SLC9A8: variants seen among roughly 807,000 people sequenced by gnomAD.
SLC9A8 encodes the protein sodium/hydrogen exchanger 8.
In SLC9A8, 48 loss-of-function variants were observed where a neutral mutation model predicts 66.6. The observed-to-expected ratio is 0.72, with a 90% CI of 0.57 to 0.92. SLC9A8 has a LOEUF of 0.92. Ranked by LOEUF, SLC9A8 falls within the 40% of genes least tolerant of loss-of-function variation. The pLI is 0.00. For synonymous variants in SLC9A8, 274 were observed against 282.6 expected (o/e 0.97, Z 0.31); for missense variants, 599 against 747.3 (o/e 0.80, Z 2.31).
At chr20:49,884,274 G>C (rs1158643798) in intron 14 of SLC9A8, 63 of 120,470 alleles carry the variant, frequency 5.2e-4, no homozygotes, top group Admixed American at 7.8e-4. Flanking sequence ...ACACACACAC[G>C]ACACACACAC....
At chr20:49,869,636 AT>A (rs2089126234) in intron 10 of SLC9A8, among the ~76,000 whole-genome samples, 1 of 151,894 alleles carries the variant, frequency 6.6e-6, no homozygotes, top group South Asian at 2.1e-4. Flanking sequence ...GATCAAAACC[AT>A]TCTGGCTAAT....
At position 49,874,823 on chromosome 20, in the gene SLC9A8, T is replaced by G; in HGVS notation, c.1075+2T>G. 1.3e-6 allele frequency: 2 copies of G among 1,591,480 alleles called. No homozygotes were observed. The highest frequency in any genetic ancestry group is 8.6e-7 in the Non-Finnish European group (1 of 1,159,292). The stretch of plus-strand genomic sequence containing the variant: ...TCCGCACCGTGGCCTTCTTATGTGG[T>G]GAGTTCTGCTTCTGTGTGGCCGTGA... On this transcript the variant is annotated splice_donor_variant, in intron 11 of 15. Coordinates refer to ENST00000361573, the MANE Select transcript of SLC9A8 (RefSeq NM_015266.3). LOFTEE classifies it high-confidence loss of function.
Position 49,886,687 on chromosome 20 carries a change from T to C in SLC9A8, c.1492-65T>C. 6.4e-7 allele frequency: 1 copy of C among 1,568,138 alleles called. No homozygotes were observed. The highest frequency in any genetic ancestry group is 8.7e-7 in the Non-Finnish European group (1 of 1,152,004). On this transcript the variant is annotated intron_variant, in intron 14 of 15. Coordinates refer to ENST00000361573, the MANE Select transcript of SLC9A8 (RefSeq NM_015266.3). This position sits in a 1 kb window ranked among gnomAD's most constrained non-coding sequence, Gnocchi z 4.8. ...CTGGCGGCCTGGGTGGTGTGGGGGCTTCCAGGAGGTGCCCCCCGATGGTGC... is the reference window on the plus strand; with the variant it reads ...CTGGCGGCCTGGGTGGTGTGGGGGCCTCCAGGAGGTGCCCCCCGATGGTGC...
rs1417832700 is a variant in SLC9A8, at chr20:49,834,413, ATATACTG to A, written c.290-5123_290-5117del. On this transcript the variant is annotated intron_variant, in intron 3 of 15. Transcript: ENST00000361573. ...GTATATATATATACTGTGTATATAT[ATATACTG>A]TATATATATACTGTATATATATATA... Among the ~76,000 whole-genome samples the A allele has an allele frequency of 1.6e-4, 7 of 44,602 alleles. 2 individuals carry two copies. Among genetic ancestry groups the A allele is most frequent in the South Asian group, 9.5e-4 (2 of 2,112 alleles). The allele number at this position is 44,602 out of a possible 152,430, so 29.3% of individuals were successfully genotyped here.
At chr20:49,814,325 TG>T (rs1178518371) in intron 1 of SLC9A8, among the ~76,000 whole-genome samples, 9 of 152,160 alleles carry the variant, frequency 5.9e-5, no homozygotes, top group African/African-American at 1.9e-4. Flanking sequence ...ACCTATTAAA[TG>T]AGAGGTAGTG....
At chr20:49,858,275 A>G (rs1311055192) in intron 8 of SLC9A8, among the ~76,000 whole-genome samples, 2 of 151,818 alleles carry the variant, frequency 1.3e-5, no homozygotes, top group Non-Finnish European at 2.9e-5. Flanking sequence ...CTTTATTAGG[A>G]TATTATCCAA....
chr20:49,862,117 T>C (rs645182), intron 8 of SLC9A8, among the ~76,000 whole-genome samples: 136,472 of 149,318 alleles, frequency 0.91, 62,474 homozygotes, highest in African/African-American at 0.95. Flanking sequence ...GCACTAATCT[T>C]GGTACTTGAA....
intron 10 of SLC9A8, among the ~76,000 whole-genome samples, chr20:49,871,449 C>G (rs1244426803): frequency 2.6e-5 from 4 of 152,180 alleles, no homozygotes; most frequent in African/African-American, 9.7e-5. Context: ...AACGATTTTG[C>G]CTAATTCTTA....
rs191074675 is a variant in SLC9A8, at chr20:49,816,742, T to A, written c.208+1553T>A. 3.9e-3 allele frequency among the ~76,000 whole-genome samples: 589 copies of A among 152,120 alleles called. 6 individuals are homozygous for A. Among genetic ancestry groups the A allele is most frequent in the African/African-American group, 0.014 (567 of 41,530 alleles). On this transcript the variant is annotated intron_variant, in intron 2 of 15. Transcript: ENST00000361573. ...GACCCAAGTTCAAATTCTTTTTTTTTTCTTGAGATGGAGTCTTGCTCTGTC... is the reference window on the plus strand; with the variant it reads ...GACCCAAGTTCAAATTCTTTTTTTTATCTTGAGATGGAGTCTTGCTCTGTC...
At chr20:49,877,126 G>GAAA (rs113268405) in intron 11 of SLC9A8, among the ~76,000 whole-genome samples, 3 of 112,188 alleles carry the variant, frequency 2.7e-5, no homozygotes, top group African/African-American at 9.4e-5. Flanking sequence ...TGTCTCTACT[G>GAAA]AAAAAAAAAA....
chr20:49,814,081 G>A (rs2086459780), intron 1 of SLC9A8, among the ~76,000 whole-genome samples: 2 of 152,310 alleles, frequency 1.3e-5, no homozygotes, highest in South Asian at 4.1e-4. Flanking sequence ...TCTTGGCCAT[G>A]TGGGGGTCAT....
In SLC9A8 at chr20:49,880,905, A is replaced by C; in HGVS notation, c.1159-19A>C. On this transcript the variant is annotated intron_variant, in intron 12 of 15. Transcript: ENST00000361573. ...AGCCAGATGTTTTCACCTAAGACTT[A>C]GTTTGTTGCTATCAACAGGTGCTTG... 6.5e-7 allele frequency: 1 copy of C among 1,529,518 alleles called. No individual in the cohort carries two copies. The highest frequency in any genetic ancestry group is 9.1e-7 in the Non-Finnish European group (1 of 1,103,146). The allele number at this position is 1,529,518 out of a possible 1,614,324, so 94.7% of individuals were successfully genotyped here.
chr20:49,881,937 G>A (rs997927293), intron 13 of SLC9A8, among the ~76,000 whole-genome samples: 7 of 152,090 alleles, frequency 4.6e-5, no homozygotes, highest in African/African-American at 7.2e-5. Context: ...ATAAGAGAGC[G>A]TTATGGGGAA....
intron 4 of SLC9A8, among the ~76,000 whole-genome samples, chr20:49,844,066 T>C (rs1427020251): frequency 6.6e-6 from 1 of 152,180 alleles, no homozygotes; most frequent in Non-Finnish European, 1.5e-5. Context: ...TCTTGAACTT[T>C]TCCGGACAGC....
intron 7 of SLC9A8, 45 bp from the exon 8 acceptor site, chr20:49,855,393 A>G (rs200536285): frequency 6.3e-7 from 1 of 1,594,796 alleles, no homozygotes; most frequent in Non-Finnish European, 8.6e-7. Context: ...ATGTGGACCA[A>G]GTGACACACA....
In SLC9A8 at chr20:49,878,059, G is replaced by A. The variant is rs765500545; in HGVS notation, c.1154G>A (p.Cys385Tyr). The A allele has an allele frequency of 2.5e-6, 4 of 1,576,758 alleles. No individual in the cohort carries two copies. In the African/African-American group the frequency reaches 4.1e-5, roughly 16 times the overall value. The change falls in exon 12 of 16, where the codon TGC becomes TAC. Residue 385 changes from cysteine to tyrosine, a missense_variant. Physicochemically the swap from Cys to Tyr is radical, Grantham distance 194 (BLOSUM62 -2). Around this residue, in one of 2 missense-constraint regions of SLC9A8, gnomAD observed 467 missense variants for 626.5 expected, o/e 0.75. Coordinates refer to ENST00000361573, the MANE Select transcript of SLC9A8 (RefSeq NM_015266.3). The part of the protein sequence containing the change: ...HKFEISFVIW[C>Y]IVLVLFGRAV... ...TTTGAAATTTCCTTTGTCATCTGGT[G>A]CATAGTAAGTATTTTCCTTTTTTTT... is the stretch of plus-strand genomic sequence containing the variant.
At chr20:49,844,619 TAAAAAAAAAAAAAAAAAA>T (rs35043669) in intron 4 of SLC9A8, among the ~76,000 whole-genome samples, 82 of 106,002 alleles carry the variant, frequency 7.7e-4, no homozygotes, top group Middle Eastern at 4.9e-3. Flanking sequence ...CCCTGTATCT[TAAAAAAAAAAAAAAAAAA>T]AAAAAAAAAA....
chr20:49,873,702 G>A (rs1010925943), intron 10 of SLC9A8, among the ~76,000 whole-genome samples: 4 of 147,846 alleles, frequency 2.7e-5, no homozygotes, highest in African/African-American at 1.0e-4. Flanking sequence ...ACCCAGGAGG[G>A]GGAGGTTGCA....
At chr20:49,865,530 T>C (rs1369783840) in intron 10 of SLC9A8, among the ~76,000 whole-genome samples, 1 of 152,120 alleles carries the variant, frequency 6.6e-6, no homozygotes, top group Non-Finnish European at 1.5e-5. Flanking sequence ...CAGAGCCTTT[T>C]CCCTGCACCC....
Sources: allele counts gnomAD v4.1 joint callset (sites outside exome capture counted in the v4.1 genomes callset), GRCh38; gene constraint gnomAD v4.1.1; regional missense constraint gnomAD v4.1.1; non-coding constraint Gnocchi (gnomAD v3.1); transcripts MANE v1.5; gene names NCBI Gene and HGNC (gene_info 2026-07-23, HGNC 2026-07-21).